PHACTR3: variants seen among roughly 807,000 people sequenced by gnomAD.
PHACTR3 encodes the protein protein phosphatase 1, regulatory subunit 123.
Under a neutral mutation model 66.8 loss-of-function variants are expected in PHACTR3, and 16 were observed. The ratio of observed to expected loss-of-function variants is 0.24; its 90% CI spans 0.16 to 0.36. The LOEUF is 0.36. Among genes scored for constraint, PHACTR3 ranks in the 10% least tolerant of loss-of-function variants. PHACTR3 has a pLI of 1.00. For synonymous variants in PHACTR3, 323 were observed against 292.1 expected, an observed-to-expected ratio of 1.11 and a Z score of -1.08; for missense variants, 647 against 719.9, an observed-to-expected ratio of 0.90 and a Z score of 1.16.
At chr20:59,752,703 T>C (rs901120968) in intron 3 of PHACTR3, among the ~76,000 whole-genome samples, 1 of 148,866 alleles carries the variant, frequency 6.7e-6, no homozygotes, top group Non-Finnish European at 1.5e-5. Context: ...GCAGTTGTGA[T>C]GATTTTGATG....
chr20:59,728,039 A>C (rs985904610), intron 1 of PHACTR3, among the ~76,000 whole-genome samples: 2 of 152,236 alleles, frequency 1.3e-5, no homozygotes, highest in African/African-American at 2.4e-5. Context: ...AAATTCATAT[A>C]GCACAAAATT....
chr20:59,834,702 T>C (rs1257786518), intron 8 of PHACTR3, among the ~76,000 whole-genome samples: 2 of 152,184 alleles, frequency 1.3e-5, no homozygotes, highest in Admixed American at 6.5e-5. Flanking sequence ...CTCAGCGAAA[T>C]GTATCTCTGC....
At chr20:59,689,048 C>A (rs2037002251) in intron 1 of PHACTR3, among the ~76,000 whole-genome samples, 1 of 152,080 alleles carries the variant, frequency 6.6e-6, no homozygotes, top group Non-Finnish European at 1.5e-5. Flanking sequence ...TGGCTTCATT[C>A]TTTCTCTAGA....
chr20:59,826,818 C>A (rs540989112), intron 8 of PHACTR3, among the ~76,000 whole-genome samples: 10 of 152,290 alleles, frequency 6.6e-5, no homozygotes, highest in African/African-American at 2.4e-4. Context: ...TTCCTCCTTT[C>A]AAAAGTAGCA....
At chr20:59,810,496 C>G (rs2041703083) in intron 8 of PHACTR3, among the ~76,000 whole-genome samples, 1 of 152,244 alleles carries the variant, frequency 6.6e-6, no homozygotes. Flanking sequence ...CTTAATTGGT[C>G]TCCCTTTGTC....
rs2041808577 is a variant in PHACTR3 at position 59,813,801 on chromosome 20, C to A, written c.1328+7607C>A. 2.6e-5 allele frequency among the ~76,000 whole-genome samples: 4 copies of A among 152,052 alleles called. No individual in the cohort carries two copies. In the South Asian group the frequency reaches 8.3e-4, roughly 32 times the overall value. On this transcript the variant is annotated intron_variant, in intron 8 of 12. Coordinates refer to ENST00000371015, the MANE Select transcript of PHACTR3 (RefSeq NM_080672.5). ...GGTCCAGGTGGTGGAGGCTCCTGTG[C>A]TGCCCGCTATGGGTTCCCAATCCAC...
chr20:59,826,829 T>C lies in PHACTR3; in HGVS notation c.1329-9676T>C, dbSNP rs146981751. Reference sequence around the variant, plus strand: ...CACTTTCCTCCTTTCAAAAGTAGCATTGGCAGGGCTGGGTGTCACTGTGAA... The same window carrying C: ...CACTTTCCTCCTTTCAAAAGTAGCACTGGCAGGGCTGGGTGTCACTGTGAA... On this transcript the variant is annotated intron_variant, in intron 8 of 12. Coordinates refer to ENST00000371015, the MANE Select transcript of PHACTR3 (RefSeq NM_080672.5). 1.1e-4 allele frequency among the ~76,000 whole-genome samples: 17 copies of C among 152,338 alleles called. No individual in the cohort carries two copies. In the East Asian group the frequency reaches 3.3e-3, roughly 29 times the overall value.
At chr20:59,790,114 T>A (rs1160602378) in intron 7 of PHACTR3, among the ~76,000 whole-genome samples, 1 of 152,252 alleles carries the variant, frequency 6.6e-6, no homozygotes, top group Non-Finnish European at 1.5e-5. Flanking sequence ...ATTTCCTTTT[T>A]TTCTCTTTTT....
chr20:59,742,089 CACAG>C (rs2039182142), intron 1 of PHACTR3, among the ~76,000 whole-genome samples: 1 of 152,226 alleles, frequency 6.6e-6, no homozygotes, highest in African/African-American at 2.4e-5. Flanking sequence ...TTGGAGGGCC[CACAG>C]ACATTTTCTC....
chr20:59,708,362 G>A (rs1387711850), intron 1 of PHACTR3, among the ~76,000 whole-genome samples: 2 of 152,186 alleles, frequency 1.3e-5, no homozygotes, highest in Non-Finnish European at 2.9e-5. Flanking sequence ...CAGCTGGACC[G>A]AGGCACCACA....
intron 8 of PHACTR3, among the ~76,000 whole-genome samples, chr20:59,831,063 C>T (rs768521321): frequency 6.6e-6 from 1 of 152,142 alleles, no homozygotes; most frequent in African/African-American, 2.4e-5. Flanking sequence ...CTCTGTGCTA[C>T]TCACAGCACA....
Position 59,830,660 on chromosome 20 carries a change from A to G in PHACTR3, c.1329-5845A>G, listed in dbSNP as rs1243807375. ...CTCAGCACGCCAGGTGAATAATATC[A>G]GTGCTATAGTAGTAATGATGCCACC... On this transcript the variant is annotated intron_variant, in intron 8 of 12. Coordinates refer to ENST00000371015, the MANE Select transcript of PHACTR3 (RefSeq NM_080672.5). The surrounding 1 kb of genome is among the most constrained non-coding windows in gnomAD (Gnocchi z 5.8). Among the ~76,000 whole-genome samples the G allele has an allele frequency of 6.6e-6, 1 of 152,154 alleles. No homozygotes were observed. The highest frequency in any genetic ancestry group is 1.5e-5 in the Non-Finnish European group (1 of 68,016).
At chr20:59,843,311 A>G (rs1446313501) in intron 11 of PHACTR3, 1 of 152,120 alleles carries the variant, frequency 6.6e-6, no homozygotes, top group Non-Finnish European at 1.5e-5. Flanking sequence ...CCCTATCAAA[A>G]TACCAATGTC....
At chr20:59,806,314 G>A (rs2041567581) in intron 8 of PHACTR3, 120 bp downstream of exon 8, 1 of 1,315,238 alleles carries the variant, frequency 7.6e-7, no homozygotes, top group Non-Finnish European at 1.0e-6. Flanking sequence ...TCTGCAGCAG[G>A]TCTCTTGACC....
At chr20:59,707,183 C>T (rs986504771) in intron 1 of PHACTR3, among the ~76,000 whole-genome samples, 7 of 152,216 alleles carry the variant, frequency 4.6e-5, no homozygotes, top group Non-Finnish European at 8.8e-5. Flanking sequence ...GGCTCTGTGT[C>T]CATCTGATTT....
At chr20:59,697,396 T>C (rs1238279235) in intron 1 of PHACTR3, among the ~76,000 whole-genome samples, 1 of 152,240 alleles carries the variant, frequency 6.6e-6, no homozygotes, top group Non-Finnish European at 1.5e-5. Context: ...GTATTTTTCA[T>C]GGTGGCTCAG....
intron 7 of PHACTR3, among the ~76,000 whole-genome samples, chr20:59,798,599 A>G (rs369067062): frequency 1.9e-4 from 29 of 152,142 alleles, no homozygotes; most frequent in African/African-American, 6.5e-4. Context: ...GTGTTTTTTC[A>G]AGGAAGTTGT....
intron 8 of PHACTR3, among the ~76,000 whole-genome samples, chr20:59,818,612 G>A (rs1336225959): frequency 6.6e-6 from 1 of 152,196 alleles, no homozygotes; most frequent in Non-Finnish European, 1.5e-5. Flanking sequence ...TCCCTAGAAT[G>A]GTACTGAGTC....
intron 1 of PHACTR3, among the ~76,000 whole-genome samples, chr20:59,640,156 G>A (rs1372506706): frequency 6.6e-6 from 1 of 152,218 alleles, no homozygotes; most frequent in East Asian, 1.9e-4. Flanking sequence ...CAGCAGCTGA[G>A]CAATATTGGG....
Sources: gnomAD v4.1 joint callset for allele counts (sites outside exome capture counted in the v4.1 genomes callset) on GRCh38, gnomAD v4.1.1 for gene constraint, Gnocchi (gnomAD v3.1) non-coding constraint, MANE v1.5 for transcripts, NCBI Gene and HGNC (gene_info 2026-07-23, HGNC 2026-07-21) for gene names.